Variants in NIBAN2 observed in about 807,000 individuals in gnomAD.
NIBAN2 encodes protein Niban 2.
In NIBAN2, 36 loss-of-function variants were observed where a neutral mutation model predicts 81.8. The observed-to-expected ratio is 0.44, with a 90% CI of 0.34 to 0.58. The LOEUF is 0.58. NIBAN2 is among the 20% of genes least tolerant of loss of function. The pLI is 0.02. For missense variants in NIBAN2, 897 were observed against 1,014.1 expected (o/e 0.88, Z 1.57); for synonymous variants, 445 against 441.6 (o/e 1.01, Z -0.10).
At position 127,515,992 on chromosome 9, in the gene NIBAN2, G is replaced by A. The variant is rs567736893; in HGVS notation, c.973+865C>T. On this transcript the variant is annotated intron_variant, in intron 8 of 13. Coordinates refer to ENST00000373312, the MANE Select transcript of NIBAN2 (RefSeq NM_022833.4). ...GTCTCTACAAAAAATACAAAAATGTGCTGGGCGTGGTGGCACATGCCTGTA... is the reference window on the plus strand; with the variant it reads ...GTCTCTACAAAAAATACAAAAATGTACTGGGCGTGGTGGCACATGCCTGTA... Among the ~76,000 whole-genome samples the A allele has an allele frequency of 3.9e-5, 6 of 152,300 alleles. No homozygotes were observed. In the East Asian group the frequency reaches 1.2e-3, roughly 29 times the overall value.
At position 127,569,045 on chromosome 9, in the gene NIBAN2, C is replaced by T; in HGVS notation, c.-171G>A. On this transcript the variant is annotated 5_prime_UTR_variant, in exon 1 of 14. Coordinates refer to ENST00000373312, the MANE Select transcript of NIBAN2 (RefSeq NM_022833.4). ...CTTCCGCTCCGGCTCCGCTCCCGGT[C>T]GGGCCCCGTCCCTCCAGCCGGCCGC... The T allele has an allele frequency of 1.8e-6, 2 of 1,095,256 alleles. No individual in the cohort carries two copies. The highest frequency in any genetic ancestry group is 5.7e-5 in the East Asian group (1 of 17,676). 67.8% of individuals were successfully genotyped at this position (1,095,256 alleles called of 1,614,324 possible).
chr9:127,571,926 T>C (rs1837951187), upstream of NIBAN2, among the ~76,000 whole-genome samples: 1 of 152,230 alleles, frequency 6.6e-6, no homozygotes, highest in Admixed American at 6.5e-5. Context: ...TGGTCCTATG[T>C]CTTGACTGAG....
Position 127,517,777 on chromosome 9 carries a change from G to A in NIBAN2, c.705+49C>T, listed in dbSNP as rs1473092236. 4.1e-6 allele frequency: 6 copies of A among 1,447,134 alleles called. No homozygotes were observed. The highest frequency in any genetic ancestry group is 3.5e-5 in the South Asian group (3 of 85,128). The allele number at this position is 1,447,134 out of a possible 1,614,324, so 89.6% of individuals were successfully genotyped here. A position where few individuals can be genotyped will look rare whatever the true frequency, so the allele number is the denominator to read the frequency against. On this transcript the variant is annotated intron_variant, in intron 6 of 13. Coordinates refer to ENST00000373312, the MANE Select transcript of NIBAN2 (RefSeq NM_022833.4). The surrounding 1 kb of genome is among the most constrained non-coding windows in gnomAD (Gnocchi z 4.0). ...CCCCACCCCCTGCCCTCCCCTGCTGGGTCCTTGGGTGACTTCTGAGGTTTC... is the reference window on the plus strand; with the variant it reads ...CCCCACCCCCTGCCCTCCCCTGCTGAGTCCTTGGGTGACTTCTGAGGTTTC...
chr9:127,511,461 G>A (rs1245402115), intron 8 of NIBAN2, among the ~76,000 whole-genome samples: 1 of 151,868 alleles, frequency 6.6e-6, no homozygotes. Context: ...GGCCTCCCAA[G>A]TGCTGGGATT....
chr9:127,574,413 G>A (rs953219235), intron 1 of NIBAN2, among the ~76,000 whole-genome samples: 4 of 152,118 alleles, frequency 2.6e-5, no homozygotes, highest in Admixed American at 1.3e-4. Flanking sequence ...GGGATCCAAG[G>A]GCGAAGAATA....
chr9:127,558,343 G>T (rs1837712520), intron 1 of NIBAN2, among the ~76,000 whole-genome samples: 1 of 152,160 alleles, frequency 6.6e-6, no homozygotes, highest in Non-Finnish European at 1.5e-5. Flanking sequence ...GCGGGGGGTG[G>T]GAGTACGAAG....
At position 127,563,207 on chromosome 9, in the gene NIBAN2, G is replaced by A. The variant is rs1837802929; in HGVS notation, c.55+5613C>T. 6.6e-6 allele frequency among the ~76,000 whole-genome samples: 1 copy of A among 152,164 alleles called. No homozygotes were observed. The highest frequency in any genetic ancestry group is 1.5e-5 in the Non-Finnish European group (1 of 68,030). ...GGCCGGCACTCAGGCCCCAGCAGTG[G>A]AAAAGGAACAGAGTCAGGGGGACTA... On this transcript the variant is annotated intron_variant, in intron 1 of 13. Coordinates refer to ENST00000373312, the MANE Select transcript of NIBAN2 (RefSeq NM_022833.4). This position sits in a 1 kb window ranked among gnomAD's most constrained non-coding sequence, Gnocchi z 4.1.
At chr9:127,511,447 C>T (rs1836734394) in intron 8 of NIBAN2, among the ~76,000 whole-genome samples, 1 of 152,122 alleles carries the variant, frequency 6.6e-6, no homozygotes, top group African/African-American at 2.4e-5. Flanking sequence ...GATCCTCCTG[C>T]CTTGGCCTCC....
intron 1 of NIBAN2, among the ~76,000 whole-genome samples, chr9:127,552,206 C>T (rs1186466835): frequency 6.6e-6 from 1 of 152,230 alleles, no homozygotes; most frequent in Non-Finnish European, 1.5e-5. Flanking sequence ...AGAGATGGCT[C>T]TCAAACCATG....
Position 127,523,707 on chromosome 9 carries a change from C to A in NIBAN2, c.561G>T (p.Leu187=), listed in dbSNP as rs771350160. The change falls in exon 5 of 14, where the codon CTG becomes CTT. Residue 187 remains leucine (L), a synonymous_variant. Coordinates refer to ENST00000373312, the MANE Select transcript of NIBAN2 (RefSeq NM_022833.4). ...EAEQDKWQAV[L]QDCIRHCNNG... is the part of the protein sequence containing the mutation. Reference sequence around the variant, plus strand: ...TGTTGCAGTGCCGGATGCAGTCCTGCAGCACAGCCTGCCACTTGTCCTGCT... The same window carrying A: ...TGTTGCAGTGCCGGATGCAGTCCTGAAGCACAGCCTGCCACTTGTCCTGCT... The A allele has an allele frequency of 6.2e-7, 1 of 1,613,712 alleles. No homozygotes were observed. Among genetic ancestry groups the A allele is most frequent in the Non-Finnish European group, 8.5e-7 (1 of 1,179,844 alleles).
intron 8 of NIBAN2, among the ~76,000 whole-genome samples, chr9:127,511,337 C>A (rs550186242): frequency 6.6e-6 from 1 of 152,164 alleles, no homozygotes; most frequent in South Asian, 2.1e-4. Context: ...CGTGAGCCAC[C>A]GCGCTCAGCC....
chr9:127,569,348 G>C (rs549464695), upstream of NIBAN2, among the ~76,000 whole-genome samples: 1 of 151,786 alleles, frequency 6.6e-6, no homozygotes, highest in Admixed American at 6.6e-5. Context: ...AGGAGACAAA[G>C]AGAAGGTCCC....
intron 1 of NIBAN2, among the ~76,000 whole-genome samples, chr9:127,539,232 C>A (rs1226594844): frequency 1.3e-5 from 2 of 151,974 alleles, no homozygotes; most frequent in Non-Finnish European, 2.9e-5. Context: ...GGGTTTTGGA[C>A]CTTGTCTCCC....
chr9:127,578,123 G>A (rs558260138), intron 1 of NIBAN2, among the ~76,000 whole-genome samples: 29 of 151,278 alleles, frequency 1.9e-4, no homozygotes, highest in Non-Finnish European at 2.4e-4. Flanking sequence ...TCTGGGAGGC[G>A]GAGGTTGCAG....
chr9:127,544,292 C>A (rs1837432501), intron 1 of NIBAN2, among the ~76,000 whole-genome samples: 3 of 152,204 alleles, frequency 2.0e-5, no homozygotes, highest in South Asian at 2.1e-4. Context: ...AAGAAGCAAA[C>A]CCTGAGCTCA....
chr9:127,552,782 G>A (rs1159565186), intron 1 of NIBAN2, among the ~76,000 whole-genome samples: 1 of 141,802 alleles, frequency 7.1e-6, no homozygotes, highest in African/African-American at 2.6e-5. Context: ...TCTGCCTCCT[G>A]GGTTCAAGCA....
intron 5 of NIBAN2, among the ~76,000 whole-genome samples, chr9:127,521,204 C>T (rs1220325088): frequency 6.6e-6 from 1 of 152,222 alleles, no homozygotes. Context: ...CTCACTGTGC[C>T]CTACTTTTCC....
intron 1 of NIBAN2, among the ~76,000 whole-genome samples, chr9:127,578,126 G>A (rs908822050): frequency 1.3e-5 from 2 of 151,380 alleles, no homozygotes; most frequent in African/African-American, 4.9e-5. Context: ...GGGAGGCGGA[G>A]GTTGCAGTGA....
intron 2 of NIBAN2, among the ~76,000 whole-genome samples, chr9:127,531,076 A>C (rs761001680): frequency 6.6e-6 from 1 of 151,756 alleles, no homozygotes; most frequent in Non-Finnish European, 1.5e-5. Flanking sequence ...GTAACTGGGG[A>C]GACTGAGGTG....
Sources: gnomAD v4.1 joint callset for allele counts (sites outside exome capture counted in the v4.1 genomes callset) on GRCh38, gnomAD v4.1.1 for gene constraint, Gnocchi (gnomAD v3.1) non-coding constraint, MANE v1.5 for transcripts, NCBI Gene and HGNC (gene_info 2026-07-23, HGNC 2026-07-21) for gene names.